The following CNTFR variants were observed in gnomAD, a reference collection of about 807,000 sequenced individuals.
The protein encoded by CNTFR is ciliary neurotrophic factor receptor subunit alpha.
In CNTFR, 12 loss-of-function variants were observed where a neutral mutation model predicts 40.4. The ratio of observed to expected loss-of-function variants is 0.30; its 90% CI spans 0.19 to 0.48. CNTFR has a LOEUF of 0.48. CNTFR is among the 20% of genes least tolerant of loss of function. The pLI is 0.99. For missense variants in CNTFR, 414 were observed against 506.8 expected (o/e 0.82, Z 1.76); for synonymous variants, 202 against 209.6 (o/e 0.96, Z 0.31).
At chr9:34,553,865 C>T (rs1432341147) in intron 7 of CNTFR, among the ~76,000 whole-genome samples, 1 of 152,216 alleles carries the variant, frequency 6.6e-6, no homozygotes, top group African/African-American at 2.4e-5. Context: ...AGGAGGGGGC[C>T]GCTCTGGGCC....
intron 2 of CNTFR, among the ~76,000 whole-genome samples, chr9:34,573,851 A>G (rs951150155): frequency 1.3e-5 from 2 of 152,226 alleles, no homozygotes; most frequent in Non-Finnish European, 2.9e-5. Flanking sequence ...AGACCTGCAG[A>G]GGAATTAGGT....
Position 34,556,273 on chromosome 9 carries a change from G to A in CNTFR, c.750C>T (p.Ile250=), listed in dbSNP as rs373835749. The A allele has an allele frequency of 9.9e-6, 16 of 1,612,822 alleles. No homozygotes were observed. In the African/African-American group the frequency reaches 2.0e-4, roughly 20 times the overall value. ...CACTCACATGCTGCCACTGGTCCAG[G>A]ATGAGGGGTCGGTAGCGCAGAAAGA... ...LKFFLRYRPL[I]LDQWQHVELS... The change falls in exon 7 of 10, where the codon ATC becomes ATT. Residue 250 remains isoleucine (I), a synonymous_variant. Coordinates refer to ENST00000378980, the MANE Select transcript of CNTFR (RefSeq NM_147164.3).
In CNTFR at chr9:34,589,363, G is replaced by T. The variant is rs1022419619; in HGVS notation, c.-112+192C>A. On this transcript the variant is annotated intron_variant, in intron 1 of 9. Transcript: ENST00000378980. This position sits in a 1 kb window ranked among gnomAD's most constrained non-coding sequence, Gnocchi z 4.4. ...CGCCCAACCCCCGGAGCGCCCGGACGTGGGGGGCCGCTCCTCCAGCGCCCC... is the reference window on the plus strand; with the variant it reads ...CGCCCAACCCCCGGAGCGCCCGGACTTGGGGGGCCGCTCCTCCAGCGCCCC... Among the ~76,000 whole-genome samples the T allele has an allele frequency of 9.2e-5, 14 of 152,050 alleles. 1 individual carries two copies. Among genetic ancestry groups the T allele is most frequent in the African/African-American group, 3.4e-4 (14 of 41,426 alleles).
rs748809845 is a variant in CNTFR at position 34,556,442 on chromosome 9, TACTAC to T, written c.605-29_605-25del. The T allele has an allele frequency of 2.5e-6, 4 of 1,573,046 alleles. No homozygotes were observed. In the East Asian group the frequency reaches 9.0e-5, roughly 35 times the overall value. The stretch of plus-strand genomic sequence containing the variant: ...CACTGTTCAGGAGACATAGCTTCAT[TACTAC>T]ACTAATCACTGGCAACAACCCACTT... On this transcript the variant is annotated intron_variant, in intron 6 of 9. Coordinates refer to ENST00000378980, the MANE Select transcript of CNTFR (RefSeq NM_147164.3).
intron 3 of CNTFR, 38 bp from the exon 4 acceptor site, chr9:34,564,870 C>A: frequency 6.3e-7 from 1 of 1,585,430 alleles, no homozygotes; most frequent in South Asian, 1.1e-5. Context: ...AGTCACAGGT[C>A]ACAGCCCGGC....
intron 2 of CNTFR, among the ~76,000 whole-genome samples, chr9:34,579,736 C>T (rs886787443): frequency 2.6e-5 from 4 of 152,086 alleles, no homozygotes; most frequent in African/African-American, 4.8e-5. Flanking sequence ...GGGCTGAGTG[C>T]TAGCCTGGGA....
intron 2 of CNTFR, among the ~76,000 whole-genome samples, chr9:34,578,155 C>T (rs1316670869): frequency 2.1e-5 from 3 of 145,056 alleles, no homozygotes; most frequent in East Asian, 2.4e-4. Context: ...ACAGCGGTCC[C>T]GGCGGGCGGG....
intron 1 of CNTFR, among the ~76,000 whole-genome samples, chr9:34,583,606 T>C (rs1827419578): frequency 6.7e-6 from 1 of 150,224 alleles, no homozygotes; most frequent in Admixed American, 6.6e-5. Context: ...CCCCCACAAG[T>C]CCACCTCCTT....
At chr9:34,576,773 A>G (rs1301710746) in intron 2 of CNTFR, among the ~76,000 whole-genome samples, 1 of 152,206 alleles carries the variant, frequency 6.6e-6, no homozygotes, top group Non-Finnish European at 1.5e-5. Flanking sequence ...CCGACTTCCC[A>G]GGCCCTTGCT....
chr9:34,552,802 T>G lies in CNTFR; in HGVS notation c.821A>C (p.Lys274Thr), dbSNP rs774037542. 1 of 1,613,626 alleles carries G rather than the reference T, an allele frequency of 6.2e-7. No individual in the cohort carries two copies. Among genetic ancestry groups the G allele is most frequent in the Non-Finnish European group, 8.5e-7 (1 of 1,179,900 alleles). Residue 274 changes from lysine (K) to threonine (T), a missense_variant, in exon 8 of 10, where the codon AAG (lysine) becomes ACG (threonine). Coordinates refer to ENST00000378980, the MANE Select transcript of CNTFR (RefSeq NM_147164.3). The surrounding 1 kb of genome is among the most constrained non-coding windows in gnomAD (Gnocchi z 5.1). ...AHTITDAYAG[K>T]EYIIQVAAKD... Reference sequence around the variant, plus strand: ...GGCTGCCACCTGGATAATGTACTCCTTCCCGGCGTAGGCATCTGTGATGGT... The same window carrying G: ...GGCTGCCACCTGGATAATGTACTCCGTCCCGGCGTAGGCATCTGTGATGGT...
chr9:34,564,921 A>C, intron 3 of CNTFR, 89 bp from the exon 4 acceptor site: 1 of 1,089,564 alleles, frequency 9.2e-7, no homozygotes, highest in Non-Finnish European at 1.4e-6. Context: ...AGAGCCTGTG[A>C]GGATGGATGA....
chr9:34,563,318 A>C (rs1826148150), intron 4 of CNTFR, among the ~76,000 whole-genome samples: 1 of 152,150 alleles, frequency 6.6e-6, no homozygotes, highest in South Asian at 2.1e-4. Context: ...GGAATCAAAG[A>C]GCCTCCCTCC....
At chr9:34,583,514 G>A (rs1044398587) in intron 1 of CNTFR, among the ~76,000 whole-genome samples, 9 of 152,148 alleles carry the variant, frequency 5.9e-5, no homozygotes, top group Non-Finnish European at 1.0e-4. Context: ...CAGACAGCCC[G>A]AATCTCTGCC....
chr9:34,567,297 C>T (rs1166930724), intron 3 of CNTFR, among the ~76,000 whole-genome samples: 1 of 152,142 alleles, frequency 6.6e-6, no homozygotes, highest in East Asian at 1.9e-4. Flanking sequence ...ACATGGAGAA[C>T]ACAGAGGGAC....
At chr9:34,556,142 G>A (rs1825826385) in intron 7 of CNTFR, 113 bp downstream of exon 7, 1 of 1,199,374 alleles carries the variant, frequency 8.3e-7, no homozygotes, top group African/African-American at 1.5e-5. Flanking sequence ...CCCGCAGAGA[G>A]CCTGATGCAT....
intron 6 of CNTFR, 56 bp from the exon 7 acceptor site, chr9:34,556,474 G>T (rs1481525355): frequency 6.6e-7 from 1 of 1,510,884 alleles, no homozygotes; most frequent in East Asian, 2.3e-5. Context: ...AACCCACTTT[G>T]TCAACTCCAG....
rs75151335 is a variant in CNTFR at position 34,581,524 on chromosome 9, C to T, written c.-111-319G>A. On this transcript the variant is annotated intron_variant, in intron 1 of 9. Transcript: ENST00000378980. Reference sequence around the variant, plus strand: ...CACACAGGCACCTCCATATCACATGCATCCTCACATGCACAATCCTAGAGG... The same window carrying T: ...CACACAGGCACCTCCATATCACATGTATCCTCACATGCACAATCCTAGAGG... Among the ~76,000 whole-genome samples, 636 of 152,348 alleles carry T rather than the reference C, an allele frequency of 4.2e-3. 3 individuals are homozygous for T. Among genetic ancestry groups the T allele is most frequent in the African/African-American group, 0.014 (594 of 41,582 alleles).
intron 3 of CNTFR, among the ~76,000 whole-genome samples, chr9:34,567,570 G>A (rs758042039): frequency 1.3e-5 from 2 of 151,990 alleles, no homozygotes. Flanking sequence ...TACAAGAAGG[G>A]CACCATCACC....
chr9:34,576,571 C>G (rs1449778934), intron 2 of CNTFR, among the ~76,000 whole-genome samples: 1 of 152,220 alleles, frequency 6.6e-6, no homozygotes, highest in Non-Finnish European at 1.5e-5. Context: ...AAAGGAAATA[C>G]TTCGTTGGTC....
Sources: gnomAD v4.1 joint callset for allele counts (sites outside exome capture counted in the v4.1 genomes callset) on GRCh38, gnomAD v4.1.1 for gene constraint, Gnocchi (gnomAD v3.1) non-coding constraint, MANE v1.5 for transcripts, NCBI Gene and HGNC (gene_info 2026-07-23, HGNC 2026-07-21) for gene names.